LRRC41: variants seen among roughly 807,000 people sequenced by gnomAD.
LRRC41 encodes the protein leucine-rich repeat-containing protein 41.
In LRRC41, 17 loss-of-function variants were observed where a neutral mutation model predicts 72.1. The observed-to-expected ratio is 0.24, with a 90% CI of 0.16 to 0.35. LRRC41 has a LOEUF of 0.35. Ranked by LOEUF, LRRC41 falls within the 10% of genes least tolerant of loss-of-function variation. The pLI is 1.00. For synonymous variants in LRRC41, 427 were observed against 431.0 expected, an observed-to-expected ratio of 0.99 and a Z score of 0.11; for missense variants, 759 against 1,065.0, an observed-to-expected ratio of 0.71 and a Z score of 4.00.
intron 1 of LRRC41, among the ~76,000 whole-genome samples, chr1:46,301,079 C>A (rs3753362): frequency 0.11 from 16,343 of 152,040 alleles, 1,231 homozygotes; most frequent in South Asian, 0.37. Flanking sequence ...AGAGGCCACA[C>A]GGGAAGAAGT....
In LRRC41 at chr1:46,286,079, C is replaced by T; in HGVS notation, c.778G>A (p.Gly260Ser). 1.9e-6 allele frequency: 3 copies of T among 1,610,456 alleles called. No homozygotes were observed. The highest frequency in any genetic ancestry group is 2.2e-5 in the East Asian group (1 of 44,820). ...TCTCCACAGAGGCGGCAGGGTGGGC[C>T]ACCAGGCCCTGGTTGCCAGAAGCCA... ...SAGFWQPGPG[G>S]PPCRLCGEAS... is the part of the protein sequence containing the mutation. The change falls in exon 4 of 10, where the codon GGC (glycine) becomes AGC (serine). Residue 260 changes from glycine (G) to serine (S), a missense_variant. Physicochemically the swap from Gly to Ser is moderately conservative, Grantham distance 56 (BLOSUM62 0). This residue lies in a region of LRRC41 where 427 missense variants were observed against 520.9 expected (regional missense o/e 0.82). Transcript: ENST00000617190. This position sits in a 1 kb window ranked among gnomAD's most constrained non-coding sequence, Gnocchi z 5.5.
Position 46,302,347 on chromosome 1 carries a change from C to A in LRRC41, c.199+777G>T, listed in dbSNP as rs531023563. ...CCTCGCTTGTTTAAGCCGCTCCGGG[C>A]CCCCCTCCACTCGCTCTCCGGTCCC... On this transcript the variant is annotated intron_variant, in intron 1 of 9. Coordinates refer to ENST00000617190, the MANE Select transcript of LRRC41 (RefSeq NM_006369.5). This position sits in a 1 kb window ranked among gnomAD's most constrained non-coding sequence, Gnocchi z 4.7. The A allele has an allele frequency of 3.0e-6, 3 of 985,226 alleles. No individual in the cohort carries two copies. The highest frequency in any genetic ancestry group is 6.1e-5 in the Admixed American group (1 of 16,272). The allele number at this position is 985,226 out of a possible 1,614,324, so 61.0% of individuals were successfully genotyped here.
intron 4 of LRRC41, among the ~76,000 whole-genome samples, chr1:46,283,103 T>C (rs1224254666): frequency 6.6e-6 from 1 of 151,872 alleles, no homozygotes; most frequent in Non-Finnish European, 1.5e-5. Context: ...AATTAAGCCA[T>C]TGAAGGGTGT....
In LRRC41 at chr1:46,285,245, C is replaced by G; in HGVS notation, c.1495+117G>C. 1.0e-6 allele frequency: 1 copy of G among 960,572 alleles called. No individual in the cohort carries two copies. The highest frequency in any genetic ancestry group is 1.6e-6 in the Non-Finnish European group (1 of 619,524). The allele number at this position is 960,572 out of a possible 1,614,324, so 59.5% of individuals were successfully genotyped here. A position where few individuals can be genotyped will look rare whatever the true frequency, so the allele number is the denominator to read the frequency against. Reference sequence around the variant, plus strand: ...CCCTGCTATGAGGCATACAAGCCTTCCTCTCTAACCTCCTGATCATACCCC... The same window carrying G: ...CCCTGCTATGAGGCATACAAGCCTTGCTCTCTAACCTCCTGATCATACCCC... On this transcript the variant is annotated intron_variant, in intron 4 of 9. Transcript: ENST00000617190. This position sits in a 1 kb window ranked among gnomAD's most constrained non-coding sequence, Gnocchi z 5.3.
At chr1:46,300,249 T>G (rs1661196691) in intron 1 of LRRC41, 1 of 152,132 alleles carries the variant, frequency 6.6e-6, no homozygotes, top group South Asian at 2.1e-4. Flanking sequence ...GGAGAATTGC[T>G]TGAGCCCAGA....
chr1:46,290,925 T>TG (rs745307617), intron 3 of LRRC41, among the ~76,000 whole-genome samples: 3,179 of 68,886 alleles, frequency 0.046, 104 homozygotes, highest in Non-Finnish European at 0.066. Flanking sequence ...AGTTTTTTTT[T>TG]TTTTTTTTTT....
rs1355808796 is a variant in LRRC41, at chr1:46,303,456, C to T, written c.-134G>A. ...TAAAGAAATTTCGAAGAAATTAGCACACTTTCCAAGTCTCTTAGGAGCTAC... is the reference window on the plus strand; with the variant it reads ...TAAAGAAATTTCGAAGAAATTAGCATACTTTCCAAGTCTCTTAGGAGCTAC... On this transcript the variant is annotated 5_prime_UTR_variant, in exon 1 of 10. In the 5' UTR this introduces an upstream ATG that the reference lacks. Transcript: ENST00000617190. 15 of 912,650 alleles carry T rather than the reference C, an allele frequency of 1.6e-5. No homozygotes were observed. Among genetic ancestry groups the T allele is most frequent in the African/African-American group, 3.4e-5 (2 of 58,994 alleles). 56.5% of individuals were successfully genotyped at this position (912,650 alleles called of 1,614,324 possible).
At position 46,302,383 on chromosome 1, in the gene LRRC41, T is replaced by G; in HGVS notation, c.199+741A>C. On this transcript the variant is annotated intron_variant, in intron 1 of 9. Transcript: ENST00000617190. The surrounding 1 kb of genome is among the most constrained non-coding windows in gnomAD (Gnocchi z 4.7). Reference sequence around the variant, plus strand: ...TCGCTCTCCGGTCCCTCCTCGCCGCTCGAGCCGATCCGAGTGGCCTCCGGC... The same window carrying G: ...TCGCTCTCCGGTCCCTCCTCGCCGCGCGAGCCGATCCGAGTGGCCTCCGGC... 1 of 985,092 alleles carries G rather than the reference T, an allele frequency of 1.0e-6. No homozygotes were observed. Among genetic ancestry groups the G allele is most frequent in the Non-Finnish European group, 1.2e-6 (1 of 829,740 alleles). The allele number at this position is 985,092 out of a possible 1,614,324, so 61.0% of individuals were successfully genotyped here.
Position 46,302,800 on chromosome 1 carries a change from G to T in LRRC41, c.199+324C>A, listed in dbSNP as rs1343262110. On this transcript the variant is annotated intron_variant, in intron 1 of 9. Coordinates refer to ENST00000617190, the MANE Select transcript of LRRC41 (RefSeq NM_006369.5). This position sits in a 1 kb window ranked among gnomAD's most constrained non-coding sequence, Gnocchi z 4.7. ...CGAGACTCTCCTGCCCGGCCCAGCC[G>T]AGTGTCAGTTCGCGCGGCCCACAGC... The T allele has an allele frequency of 1.0e-6, 1 of 985,046 alleles. No homozygotes were observed. The highest frequency in any genetic ancestry group is 1.2e-6 in the Non-Finnish European group (1 of 829,772). The allele number at this position is 985,046 out of a possible 1,614,324, so 61.0% of individuals were successfully genotyped here. A position where few individuals can be genotyped will look rare whatever the true frequency, so the allele number is the denominator to read the frequency against.
rs1661289947 is a variant in LRRC41 at position 46,303,346 on chromosome 1, G to A, written c.-24C>T. Reference sequence around the variant, plus strand: ...ATCTTGGGGAGGTGCGCGAGCCCGAGAGTGTCGCCCGCGGACCGCCATCTT... The same window carrying A: ...ATCTTGGGGAGGTGCGCGAGCCCGAAAGTGTCGCCCGCGGACCGCCATCTT... On this transcript the variant is annotated 5_prime_UTR_variant, in exon 1 of 10. Coordinates refer to ENST00000617190, the MANE Select transcript of LRRC41 (RefSeq NM_006369.5). 11 of 1,484,036 alleles carry A rather than the reference G, an allele frequency of 7.4e-6. No individual in the cohort carries two copies. Among genetic ancestry groups the A allele is most frequent in the East Asian group, 2.6e-5 (1 of 39,052 alleles). The allele number at this position is 1,484,036 out of a possible 1,614,324, so 91.9% of individuals were successfully genotyped here.
chr1:46,298,582 GGTGA>G, intron 1 of LRRC41: 1 of 449,664 alleles, frequency 2.2e-6, no homozygotes, highest in South Asian at 3.5e-5. Flanking sequence ...CAGGGGCAAG[GGTGA>G]GATCATCCCA....
intron 2 of LRRC41, 122 bp downstream of exon 2, chr1:46,298,162 T>C (rs897005231): frequency 1.5e-6 from 1 of 656,772 alleles, no homozygotes; most frequent in Non-Finnish European, 2.6e-6. Flanking sequence ...GAAAAATAGG[T>C]GTGAAGGTAC....
rs1395671425 is a variant in LRRC41, at chr1:46,286,509, A to G, written c.358-10T>C. On this transcript the variant is annotated splice_polypyrimidine_tract_variant and intron_variant, in intron 3 of 9. Transcript: ENST00000617190. The surrounding 1 kb of genome is among the most constrained non-coding windows in gnomAD (Gnocchi z 5.5). ...GCCAACATGTCACACTCTGAAACGCAGAAAACATGCCAGACAGCCATGATA... is the reference window on the plus strand; with the variant it reads ...GCCAACATGTCACACTCTGAAACGCGGAAAACATGCCAGACAGCCATGATA... 4.4e-6 allele frequency: 7 copies of G among 1,580,054 alleles called. No individual in the cohort carries two copies. Among genetic ancestry groups the G allele is most frequent in the Middle Eastern group, 1.7e-4 (1 of 5,862 alleles).
In LRRC41 at chr1:46,285,854, C is replaced by T. The variant is rs750112848; in HGVS notation, c.1003G>A (p.Gly335Arg). The T allele has an allele frequency of 7.6e-6, 12 of 1,586,494 alleles. No homozygotes were observed. Among genetic ancestry groups the T allele is most frequent in the South Asian group, 4.6e-5 (4 of 86,856 alleles). Reference sequence around the variant, plus strand: ...TGCAGCTCCCTCTTAAGGTCTGTTCCGCCTGCTGTCAGGCTCTCCTGTGTG... The same window carrying T: ...TGCAGCTCCCTCTTAAGGTCTGTTCTGCCTGCTGTCAGGCTCTCCTGTGTG... ...RSTQESLTAG[G>R]TDLKRELHPP... Residue 335 changes from glycine (G) to arginine (R), a missense_variant, in exon 4 of 10, where the codon GGA becomes AGA. Around this residue, in one of 4 missense-constraint regions of LRRC41, gnomAD observed 427 missense variants for 520.9 expected, o/e 0.82. Transcript: ENST00000617190. The surrounding 1 kb of genome is among the most constrained non-coding windows in gnomAD (Gnocchi z 5.3).
chr1:46,278,082 C>T lies in LRRC41; in HGVS notation c.*783G>A, dbSNP rs368105178. 9.1e-5 allele frequency: 147 copies of T among 1,613,996 alleles called. No homozygotes were observed. The highest frequency in any genetic ancestry group is 2.2e-4 in the Admixed American group (13 of 59,998). On this transcript the variant is annotated 3_prime_UTR_variant, in exon 10 of 10. Coordinates refer to ENST00000617190, the MANE Select transcript of LRRC41 (RefSeq NM_006369.5). ...GCCTTCTGTCCCTAGGTTGCACTGC[C>T]GACGTTGTGTCAACAGCCGTCAGAT...
At position 46,285,587 on chromosome 1, in the gene LRRC41, T is replaced by C. The variant is rs776134011; in HGVS notation, c.1270A>G (p.Lys424Glu). Reference protein sequence around the residue: ...YDFVFIVAGEKEDGEEMEIGE... With the variant: ...YDFVFIVAGEEEDGEEMEIGE... The stretch of plus-strand genomic sequence containing the variant: ...ATCTCCATCTCTTCGCCATCCTCCT[T>C]CTCGCCAGCCACAATAAAAACGAAG... Residue 424 changes from lysine (K) to glutamate (E), a missense_variant, in exon 4 of 10, where the codon AAG (lysine) becomes GAG (glutamate). By Grantham distance (56) the Lys-to-Glu change is moderately conservative. Coordinates refer to ENST00000617190, the MANE Select transcript of LRRC41 (RefSeq NM_006369.5). The surrounding 1 kb of genome is among the most constrained non-coding windows in gnomAD (Gnocchi z 5.3). 4.3e-6 allele frequency: 7 copies of C among 1,613,402 alleles called. No individual in the cohort carries two copies. Among genetic ancestry groups the C allele is most frequent in the African/African-American group, 1.3e-5 (1 of 74,880 alleles).
At position 46,280,278 on chromosome 1, in the gene LRRC41, G is replaced by A. The variant is rs1360966044; in HGVS notation, c.1934C>T (p.Ala645Val). 2 of 1,613,916 alleles carry A rather than the reference G, an allele frequency of 1.2e-6. No homozygotes were observed. The highest frequency in any genetic ancestry group is 1.7e-6 in the Non-Finnish European group (2 of 1,179,898). ...GTCATGGAAGCTCAGTCTTTTCAGG[G>A]CTAGGTTGTACTCTGGATAGGAGGC... ...VLQTLKEYNL[A>V]LKRLSFHDMN... The change falls in exon 7 of 10, where the codon GCC (alanine) becomes GTC (valine). Residue 645 changes from alanine to valine, a missense_variant. By Grantham distance (64) the Ala-to-Val change is moderately conservative. This residue lies in a region of LRRC41 where 110 missense variants were observed against 227.0 expected (regional missense o/e 0.48). Transcript: ENST00000617190.
intron 4 of LRRC41, among the ~76,000 whole-genome samples, chr1:46,283,823 G>T (rs1183903475): frequency 6.6e-6 from 1 of 151,664 alleles, no homozygotes; most frequent in African/African-American, 2.4e-5. Context: ...CCACCATCAC[G>T]CCTGGCTAAT....
At position 46,279,660 on chromosome 1, in the gene LRRC41, G is replaced by C; in HGVS notation, c.2021-46C>G. 1 of 1,611,274 alleles carries C rather than the reference G, an allele frequency of 6.2e-7. No individual in the cohort carries two copies. The highest frequency in any genetic ancestry group is 8.5e-7 in the Non-Finnish European group (1 of 1,177,902). ...AAATTCTGATGGCTGCATTAGGACT[G>C]GTGCTGCCCCTCCTGCCCCAGTTGG... On this transcript the variant is annotated intron_variant, in intron 7 of 9. Transcript: ENST00000617190. This position sits in a 1 kb window ranked among gnomAD's most constrained non-coding sequence, Gnocchi z 4.5.
Sources: gnomAD v4.1 joint callset for allele counts (sites outside exome capture counted in the v4.1 genomes callset) on GRCh38, gnomAD v4.1.1 for gene constraint, gnomAD v4.1.1 regional missense constraint, Gnocchi (gnomAD v3.1) non-coding constraint, MANE v1.5 for transcripts, NCBI Gene and HGNC (gene_info 2026-07-23, HGNC 2026-07-21) for gene names.